Variants in PPP6R2 observed in about 807,000 individuals in gnomAD.
PPP6R2 encodes the protein protein phosphatase 6 regulatory subunit 2.
PPP6R2 carries 62 observed loss-of-function variants against 100.2 expected under a neutral mutation model. The observed-to-expected ratio is 0.62, with a 90% CI of 0.50 to 0.76. The LOEUF (loss-of-function observed/expected upper bound fraction) is 0.76, where lower values mean the gene tolerates loss of function less well. Among genes scored for constraint, PPP6R2 ranks in the 30% least tolerant of loss-of-function variants. The pLI is 0.00. For missense variants in PPP6R2, 1,142 were observed against 1,276.3 expected, an observed-to-expected ratio of 0.89 and a Z score of 1.60; for synonymous variants, 525 against 514.7, an observed-to-expected ratio of 1.02 and a Z score of -0.27.
intron 4 of PPP6R2, 97 bp downstream of exon 4, chr22:50,406,972 C>A: frequency 8.0e-7 from 1 of 1,248,036 alleles, no homozygotes; most frequent in Non-Finnish European, 1.1e-6. Context: ...ATCCTCCGGC[C>A]GCGGGAACAG....
At chr22:50,391,839 C>G (rs576178268) in intron 2 of PPP6R2, 21 of 150,218 alleles carry the variant, frequency 1.4e-4, no homozygotes, top group South Asian at 6.3e-4. Flanking sequence ...GATCCTATTT[C>G]GTCGATGGTC....
At position 50,431,345 on chromosome 22, in the gene PPP6R2, C is replaced by T. The variant is rs771018288; in HGVS notation, c.1298C>T (p.Pro433Leu). 9.9e-6 allele frequency: 16 copies of T among 1,612,786 alleles called. No individual in the cohort carries two copies. Among genetic ancestry groups the T allele is most frequent in the African/African-American group, 9.3e-5 (7 of 74,936 alleles). Residue 433 changes from proline (P) to leucine (L), a missense_variant, in exon 11 of 24, where the codon CCG (proline) becomes CTG (leucine). By Grantham distance (98) the Pro-to-Leu change is moderately conservative. This residue lies in a region of PPP6R2 where 592 missense variants were observed against 758.9 expected (regional missense o/e 0.78). Coordinates refer to ENST00000612753, the MANE Select transcript of PPP6R2 (RefSeq NM_001242898.2). The surrounding 1 kb of genome is among the most constrained non-coding windows in gnomAD (Gnocchi z 4.8). Reference protein sequence around the residue: ...NGNRSLETPQPAASLPDNTMV... With the variant: ...NGNRSLETPQLAASLPDNTMV... ...AACCGGAGCCTGGAGACTCCCCAGC[C>T]GGCCGCCAGCCTCCCTGACAACACA...
At chr22:50,355,508 C>T (rs966403661) in intron 1 of PPP6R2, among the ~76,000 whole-genome samples, 3 of 145,138 alleles carry the variant, frequency 2.1e-5, no homozygotes, top group African/African-American at 7.7e-5. Context: ...GGATTACAAG[C>T]GTGAGCCACT....
rs2148380078 is a variant in PPP6R2, at chr22:50,439,815, A to G, written c.2243A>G (p.Glu748Gly). ...GCAGCTGGCACCTCAGCTCCAGAGG[A>G]GAAAGGCTGGGCCAAGTTCACTGAC... ...VWAAGTSAPE[E>G]KGWAKFTDFQ... Residue 748 changes from glutamate to glycine, a missense_variant, in exon 20 of 24, where the codon GAG becomes GGG. By Grantham distance (98) the Glu-to-Gly change is moderately conservative (BLOSUM62 -2). This residue lies in a region of PPP6R2 where 550 missense variants were observed against 517.4 expected (regional missense o/e 1.06). Transcript: ENST00000612753. 3 of 1,613,794 alleles carry G rather than the reference A, an allele frequency of 1.9e-6. No individual in the cohort carries two copies. In the South Asian group the frequency reaches 3.3e-5, roughly 18 times the overall value.
chr22:50,437,662 C>G (rs982955529), intron 16 of PPP6R2, 59 bp downstream of exon 16: 3 of 1,457,868 alleles, frequency 2.1e-6, no homozygotes, highest in African/African-American at 2.8e-5. Context: ...GCTGAGCTCC[C>G]GTGGAGGCAG....
rs893404829 is a variant in PPP6R2, at chr22:50,431,367, C to T, written c.1320C>T (p.Asn440=). Residue 440 remains asparagine, a synonymous_variant, in exon 11 of 24, where the codon AAC becomes AAT. Coordinates refer to ENST00000612753, the MANE Select transcript of PPP6R2 (RefSeq NM_001242898.2). This position sits in a 1 kb window ranked among gnomAD's most constrained non-coding sequence, Gnocchi z 4.8. ...TPQPAASLPD[N]TMVTHLFQKC... Reference sequence around the variant, plus strand: ...AGCCGGCCGCCAGCCTCCCTGACAACACAATGGTGACCCACGTGAGTCCAA... The same window carrying T: ...AGCCGGCCGCCAGCCTCCCTGACAATACAATGGTGACCCACGTGAGTCCAA... 75 of 1,612,548 alleles carry T rather than the reference C, an allele frequency of 4.7e-5. No individual in the cohort carries two copies. Among genetic ancestry groups the T allele is most frequent in the Non-Finnish European group, 6.3e-5 (74 of 1,179,896 alleles).
chr22:50,429,164 G>A lies in PPP6R2; in HGVS notation c.1126-2009G>A, dbSNP rs562307346. ...TCCTGCCTCAGCCTCCCAAGTAGCT[G>A]GGATTACAGGCGTGTGCCACCATGC... On this transcript the variant is annotated intron_variant, in intron 10 of 23. Transcript: ENST00000612753. Among the ~76,000 whole-genome samples, 210 of 152,214 alleles carry A rather than the reference G, an allele frequency of 1.4e-3. 1 individual carries two copies. Among genetic ancestry groups the A allele is most frequent in the African/African-American group, 4.8e-3 (201 of 41,516 alleles).
rs199893527 is a variant in PPP6R2 at position 50,388,408 on chromosome 22, AT to A, written c.-16-5484del. Among the ~76,000 whole-genome samples, 70 of 149,726 alleles carry A rather than the reference AT, an allele frequency of 4.7e-4. 6 individuals are homozygous for A. The highest frequency in any genetic ancestry group is 1.3e-3 in the South Asian group (6 of 4,698). On this transcript the variant is annotated intron_variant, in intron 2 of 23. Transcript: ENST00000612753. ...GACCCTATCTCAAAAAAAAAAAAAA[AT>A]AAGCCTAAATCCTGGACAAGGTGGC...
Position 50,433,465 on chromosome 22 carries a change from G to A in PPP6R2, c.1400+1136G>A, listed in dbSNP as rs7284297. On this transcript the variant is annotated intron_variant, in intron 12 of 23. Transcript: ENST00000612753. ...GGGCACTTGCCCTGGAGGTGAACCT[G>A]GAGGAGGGCTGGGGGTGCGGACGCT... Among the ~76,000 whole-genome samples the A allele has an allele frequency of 1.9e-3, 153 of 79,620 alleles. 3 individuals carry two copies. Among genetic ancestry groups the A allele is most frequent in the African/African-American group, 6.9e-3 (147 of 21,426 alleles). The allele number at this position is 79,620 out of a possible 152,430, so 52.2% of individuals were successfully genotyped here.
intron 1 of PPP6R2, among the ~76,000 whole-genome samples, chr22:50,356,364 A>G (rs1157871385): frequency 1.3e-5 from 2 of 149,520 alleles, no homozygotes; most frequent in Non-Finnish European, 3.0e-5. Flanking sequence ...ATGCAGTGGA[A>G]TGATCGTTGT....
Position 50,438,600 on chromosome 22 carries a change from T to C in PPP6R2, c.1966T>C (p.Phe656Leu), listed in dbSNP as rs757668762. 25 of 1,613,474 alleles carry C rather than the reference T, an allele frequency of 1.5e-5. No individual in the cohort carries two copies. Among genetic ancestry groups the C allele is most frequent in the Non-Finnish European group, 2.1e-5 (25 of 1,179,762 alleles). The change falls in exon 19 of 24, where the codon TTT becomes CTT. Residue 656 changes from phenylalanine to leucine, a missense_variant and splice_region_variant. By Grantham distance (22) the Phe-to-Leu change is conservative (BLOSUM62 0). Coordinates refer to ENST00000612753, the MANE Select transcript of PPP6R2 (RefSeq NM_001242898.2). The stretch of plus-strand genomic sequence containing the variant: ...CATCTGACTCTGAATCTCCCCCAGG[T>C]TTGGAGCCCCCCATGCTTCAGAGAG... ...CAARVMARPR[F>L]GAPHASESCS...
At chr22:50,434,890 C>T (rs1027861203) in intron 12 of PPP6R2, 76 bp from the exon 13 acceptor site, 20 of 1,341,682 alleles carry the variant, frequency 1.5e-5, no homozygotes, top group Admixed American at 8.5e-5. Context: ...GAGGCCTCTG[C>T]CACTTGGCTC....
chr22:50,438,346 C>T lies in PPP6R2; in HGVS notation c.1964+48C>T, dbSNP rs59692226. On this transcript the variant is annotated intron_variant, in intron 18 of 23. Transcript: ENST00000612753. ...CAAAGCCTCTGCCGAGGAGGTTCAG[C>T]CCCCAGAACACCTGTCAGACGCCCT... 3.7e-3 allele frequency: 5,822 copies of T among 1,581,940 alleles called. 177 individuals are homozygous for T. The African/African-American group carries it at 0.065, about 18-fold the overall frequency.
At chr22:50,367,285 G>T (rs2048960218) in intron 1 of PPP6R2, among the ~76,000 whole-genome samples, 1 of 152,122 alleles carries the variant, frequency 6.6e-6, no homozygotes, top group Non-Finnish European at 1.5e-5. Flanking sequence ...AAGATGATGG[G>T]AGTAGGGCTT....
chr22:50,337,109 A>T, the PPP6R2 span, among the ~76,000 whole-genome samples: 3 of 147,612 alleles, frequency 2.0e-5, no homozygotes, highest in African/African-American at 5.0e-5. Flanking sequence ...TGATGAAGAG[A>T]GTGTGTGTGT....
chr22:50,429,134 G>A (rs1334182306), intron 10 of PPP6R2, among the ~76,000 whole-genome samples: 2 of 151,992 alleles, frequency 1.3e-5, no homozygotes, highest in Admixed American at 6.6e-5. Flanking sequence ...GGGCTCAGGC[G>A]ATTCTCCTGC....
rs999018266 is a variant in PPP6R2, at chr22:50,424,000, G to C, written c.1125+386G>C. On this transcript the variant is annotated intron_variant, in intron 10 of 23. Coordinates refer to ENST00000612753, the MANE Select transcript of PPP6R2 (RefSeq NM_001242898.2). This position sits in a 1 kb window ranked among gnomAD's most constrained non-coding sequence, Gnocchi z 4.8. ...AGAGAAGCTCCTGTCGTCCACAGTA[G>C]AAGGCCAACCTGGCAGTTTTTGTCA... Among the ~76,000 whole-genome samples, 1 of 152,258 alleles carries C rather than the reference G, an allele frequency of 6.6e-6. No homozygotes were observed. The highest frequency in any genetic ancestry group is 2.4e-5 in the African/African-American group (1 of 41,470).
chr22:50,424,553 G>A (rs1018854188), intron 10 of PPP6R2, among the ~76,000 whole-genome samples: 1 of 151,808 alleles, frequency 6.6e-6, no homozygotes, highest in Non-Finnish European at 1.5e-5. Flanking sequence ...TGAGTTCTGG[G>A]CACTGCTTTG....
chr22:50,432,355 A>T, intron 12 of PPP6R2, 26 bp downstream of exon 12: 1 of 1,543,164 alleles, frequency 6.5e-7, no homozygotes. Flanking sequence ...ACGTGGAGGG[A>T]CCCAGCCTGG....
Sources: allele counts gnomAD v4.1 joint callset (sites outside exome capture counted in the v4.1 genomes callset), GRCh38; gene constraint gnomAD v4.1.1; regional missense constraint gnomAD v4.1.1; non-coding constraint Gnocchi (gnomAD v3.1); transcripts MANE v1.5; gene names NCBI Gene and HGNC (gene_info 2026-07-23, HGNC 2026-07-21).